ADH1B: variants seen among roughly 807,000 people sequenced by gnomAD.
ADH1B encodes all-trans-retinol dehydrogenase [NAD(+)] ADH1B.
Under a neutral mutation model 34.6 loss-of-function variants are expected in ADH1B, and 29 were observed. The ratio of observed to expected loss-of-function variants is 0.84; its 90% CI spans 0.62 to 1.14. The LOEUF is 1.14. Ranked by LOEUF, ADH1B falls within the 50% of genes most tolerant of loss-of-function variation. The pLI, the probability that ADH1B is intolerant of heterozygous loss-of-function variation, is 0.00. For synonymous variants in ADH1B, 170 were observed against 175.5 expected (o/e 0.97, Z 0.25); for missense variants, 424 against 468.4 (o/e 0.91, Z 0.87).
intron 1 of ADH1B, 78 bp downstream of exon 1, chr4:99,321,236 T>A: frequency 7.7e-7 from 1 of 1,295,162 alleles, no homozygotes; most frequent in South Asian, 1.2e-5. Context: ...AATTTTAAAT[T>A]ATTCATCAAA....
Position 99,313,279 on chromosome 4 carries a change from A to T in ADH1B, c.828+542T>A, listed in dbSNP as rs1733797275. ...ATTGGGTACTAGCTATGTGCCAGGC[A>T]CTGTCCAGTTTCTGTGATAAAATAC... On this transcript the variant is annotated intron_variant, in intron 6 of 8. Transcript: ENST00000305046. Among the ~76,000 whole-genome samples the T allele has an allele frequency of 5.9e-5, 9 of 152,244 alleles. No homozygotes were observed. In the South Asian group the frequency reaches 1.9e-3, roughly 32 times the overall value.
chr4:99,311,641 A>G lies in ADH1B; in HGVS notation c.844T>C (p.Cys282Arg). ...RLDTMMASLL[C>R]CHEACGTSVI... ...CTTGTGCCACATGCCTCATGACAACATAACAGGGAAGCCATCTGGAATAAA... is the reference window on the plus strand; with the variant it reads ...CTTGTGCCACATGCCTCATGACAACGTAACAGGGAAGCCATCTGGAATAAA... The change falls in exon 7 of 9, where the codon TGT (cysteine) becomes CGT (arginine). Residue 282 changes from cysteine (C) to arginine (R), a missense_variant. Transcript: ENST00000305046. 1 of 1,613,844 alleles carries G rather than the reference A, an allele frequency of 6.2e-7. No homozygotes were observed. Among genetic ancestry groups the G allele is most frequent in the Non-Finnish European group, 8.5e-7 (1 of 1,179,852 alleles).
chr4:99,312,455 T>TA (rs1733777554), intron 6 of ADH1B, among the ~76,000 whole-genome samples: 1 of 152,194 alleles, frequency 6.6e-6, no homozygotes, highest in African/African-American at 2.4e-5. Flanking sequence ...GCTTTGATCT[T>TA]AGGGTGCCAC....
At chr4:99,314,125 T>G (rs1276997544) in intron 5 of ADH1B, 44 bp from the exon 6 acceptor site, 1 of 1,604,502 alleles carries the variant, frequency 6.2e-7, no homozygotes, top group Non-Finnish European at 8.5e-7. Flanking sequence ...TGATGATTGT[T>G]AGAAAGTGCC....
At chr4:99,316,549 C>A in intron 3 of ADH1B, 1 of 500,878 alleles carries the variant, frequency 2.0e-6, no homozygotes, top group Non-Finnish European at 3.6e-6. Context: ...AAAAAAATTA[C>A]TTCCACTGTA....
rs1345054401 is a variant in ADH1B at position 99,307,816 on chromosome 4, AC to A, written c.*23del. On this transcript the variant is annotated 3_prime_UTR_variant, in exon 9 of 9. Coordinates refer to ENST00000305046, the MANE Select transcript of ADH1B (RefSeq NM_000668.6). ...AGGGTAGAGGAGGCTGAAGACTGCTACAGGGGAAGGCATCTCTATTGCCTCA... is the reference window on the plus strand; with the variant it reads ...AGGGTAGAGGAGGCTGAAGACTGCTAAGGGGAAGGCATCTCTATTGCCTCA... 1 of 1,613,362 alleles carries A rather than the reference AC, an allele frequency of 6.2e-7. No individual in the cohort carries two copies. The highest frequency in any genetic ancestry group is 8.5e-7 in the Non-Finnish European group (1 of 1,179,482).
At position 99,316,132 on chromosome 4, in the gene ADH1B, A is replaced by G. The variant is rs1733879440; in HGVS notation, c.348-15T>C. 6.2e-7 allele frequency: 1 copy of G among 1,614,168 alleles called. No homozygotes were observed. ...GATTGCCTAGACTGGGCAGTGCAAT[A>G]CACAGACACACAAAGGCATGAGACA... On this transcript the variant is annotated splice_polypyrimidine_tract_variant and intron_variant, in intron 4 of 8. Transcript: ENST00000305046.
chr4:99,318,019 C>T (rs1553912875), intron 3 of ADH1B, 27 bp downstream of exon 3: 9 of 1,612,466 alleles, frequency 5.6e-6, no homozygotes, highest in Non-Finnish European at 5.9e-6. Flanking sequence ...GTGAACCACA[C>T]GTGTTCCCTG....
chr4:99,313,984 G>A lies in ADH1B; in HGVS notation c.665C>T (p.Ala222Val), dbSNP rs751751640. The A allele has an allele frequency of 1.7e-5, 27 of 1,614,026 alleles. No homozygotes were observed. The highest frequency in any genetic ancestry group is 3.3e-5 in the Admixed American group (2 of 59,990). The change falls in exon 6 of 9, where the codon GCG (alanine) becomes GTG (valine). Residue 222 changes from alanine to valine, a missense_variant. Physicochemically the swap from Ala to Val is moderately conservative, Grantham distance 64 (BLOSUM62 0). Coordinates refer to ENST00000305046, the MANE Select transcript of ADH1B (RefSeq NM_000668.6). The stretch of plus-strand genomic sequence containing the variant: ...AAATTTGTCCTTGTTGATGTCCACC[G>A]CAATGATTCTGGCTGCTCCAGCTGC... ...CKAAGAARIIAVDINKDKFAK... is the reference protein window; with the variant it reads ...CKAAGAARIIVVDINKDKFAK...
intron 1 of ADH1B, chr4:99,319,087 TATA>T (rs1733959023): frequency 7.0e-6 from 5 of 716,674 alleles, no homozygotes; most frequent in East Asian, 2.6e-5. Flanking sequence ...ATAAACAAAG[TATA>T]ATAAGACATT....
At chr4:99,319,338 A>G (rs1733964282) in intron 1 of ADH1B, 2 of 193,684 alleles carry the variant, frequency 1.0e-5, no homozygotes, top group South Asian at 1.8e-4. Context: ...CTGACTCTAT[A>G]AGAGCAATTA....
chr4:99,321,296 A>C lies in ADH1B; in HGVS notation c.18+18T>G. ...TTGATGAGAATATATTACCAACAGTAATATATTTTTTGCTTACTTTTCCTG... is the reference window on the plus strand; with the variant it reads ...TTGATGAGAATATATTACCAACAGTCATATATTTTTTGCTTACTTTTCCTG... On this transcript the variant is annotated intron_variant, in intron 1 of 8. Coordinates refer to ENST00000305046, the MANE Select transcript of ADH1B (RefSeq NM_000668.6). 1 of 1,601,808 alleles carries C rather than the reference A, an allele frequency of 6.2e-7. No individual in the cohort carries two copies. The highest frequency in any genetic ancestry group is 8.5e-7 in the Non-Finnish European group (1 of 1,169,790).
rs752597744 is a variant in ADH1B at position 99,318,092 on chromosome 4, G to T, written c.213C>A (p.Ala71=). 4 of 1,614,030 alleles carry T rather than the reference G, an allele frequency of 2.5e-6. No individual in the cohort carries two copies. The highest frequency in any genetic ancestry group is 1.7e-4 in the Middle Eastern group (1 of 6,060). ...PLPVILGHEA[A]GIVESVGEGV... ...CTTCTCCAACACTCTCCACGATGCC[G>T]GCTGCCTCATGGCCTAAAATCACAG... Residue 71 remains alanine, a synonymous_variant, in exon 3 of 9, where the codon GCC becomes GCA. Coordinates refer to ENST00000305046, the MANE Select transcript of ADH1B (RefSeq NM_000668.6).
intron 2 of ADH1B, 50 bp downstream of exon 2, chr4:99,318,735 C>A: frequency 1.3e-6 from 2 of 1,536,368 alleles, no homozygotes; most frequent in Non-Finnish European, 8.9e-7. Context: ...TTTTAATGTT[C>A]TCTGAGTTTT....
At chr4:99,319,288 A>G in intron 1 of ADH1B, 2 of 268,312 alleles carry the variant, frequency 7.5e-6, no homozygotes, top group South Asian at 8.3e-5. Context: ...CATAAAATAC[A>G]CTGCTTTATT....
rs1163813967 is a variant in ADH1B at position 99,311,504 on chromosome 4, T to G, written c.964+17A>C. 2 of 1,611,016 alleles carry G rather than the reference T, an allele frequency of 1.2e-6. No individual in the cohort carries two copies. The highest frequency in any genetic ancestry group is 1.7e-6 in the Non-Finnish European group (2 of 1,178,626). On this transcript the variant is annotated intron_variant, in intron 7 of 8. Transcript: ENST00000305046. ...TTGAGATTAATGAGAATTTGGCACT[T>G]GAGCCCAACTACATACCACCATAAA...
rs199635405 is a variant in ADH1B at position 99,307,803 on chromosome 4, G to A, written c.*37C>T. 3 of 1,610,652 alleles carry A rather than the reference G, an allele frequency of 1.9e-6. No individual in the cohort carries two copies. The highest frequency in any genetic ancestry group is 2.5e-6 in the Non-Finnish European group (3 of 1,177,104). ...CTCCAGATCTTGTAGGGTAGAGGAG[G>A]CTGAAGACTGCTACAGGGGAAGGCA... On this transcript the variant is annotated 3_prime_UTR_variant, in exon 9 of 9. Transcript: ENST00000305046.
In ADH1B at chr4:99,304,986, CTTTATT is replaced by C. The variant is rs1488347265; in HGVS notation, c.*2848_*2853del. On this transcript the variant is annotated 3_prime_UTR_variant, in exon 9 of 9. Transcript: ENST00000305046. ...AGGTAAGCAGTAATATCTCATTTTG[CTTTATT>C]TTTTTTTTTGATCACACCAAGGCTC... The C allele has an allele frequency of 6.6e-6, 1 of 151,594 alleles. No homozygotes were observed. Among genetic ancestry groups the C allele is most frequent in the African/African-American group, 2.4e-5 (1 of 41,278 alleles). 9.4% of individuals were successfully genotyped at this position (151,594 alleles called of 1,614,324 possible). A position where few individuals can be genotyped will look rare whatever the true frequency, so the allele number is the denominator to read the frequency against.
Position 99,318,140 on chromosome 4 carries a change from A to T in ADH1B, c.165T>A (p.Ser55Arg), listed in dbSNP as rs1236679294. Residue 55 changes from serine (S) to arginine (R), a missense_variant, in exon 3 of 9, where the codon AGT becomes AGA. Transcript: ENST00000305046. ...CAGGAAGGGGGGTCACCAGGTTGCC[A>T]CTAACCACGTGGTCATCTGTGTGAC... ...GICHTDDHVV[S>R]GNLVTPLPVI... is the part of the protein sequence containing the mutation. The T allele has an allele frequency of 1.2e-6, 2 of 1,614,130 alleles. No individual in the cohort carries two copies. Among genetic ancestry groups the T allele is most frequent in the Admixed American group, 1.7e-5 (1 of 60,008 alleles).
Sources: gnomAD v4.1 joint callset for allele counts (sites outside exome capture counted in the v4.1 genomes callset) on GRCh38, gnomAD v4.1.1 for gene constraint, MANE v1.5 for transcripts, NCBI Gene and HGNC (gene_info 2026-07-23, HGNC 2026-07-21) for gene names.